SYNJ2: variants seen among roughly 807,000 people sequenced by gnomAD.
The protein encoded by SYNJ2 is polyphosphatidylinositol phosphatase SYNJ2.
In SYNJ2, 116 loss-of-function variants were observed where a neutral mutation model predicts 141.3. The observed-to-expected ratio is 0.82, with a 90% CI of 0.71 to 0.96. SYNJ2 has a LOEUF of 0.96. Ranked by LOEUF, SYNJ2 falls within the 40% of genes least tolerant of loss-of-function variation. The pLI, the probability that SYNJ2 is intolerant of heterozygous loss-of-function variation, is 0.00. For missense variants in SYNJ2, 1,873 were observed against 1,934.8 expected (o/e 0.97, Z 0.60); for synonymous variants, 745 against 777.7 (o/e 0.96, Z 0.70).
At chr6:158,008,548 G>C (rs1778152815) in intron 1 of SYNJ2, among the ~76,000 whole-genome samples, 1 of 152,212 alleles carries the variant, frequency 6.6e-6, no homozygotes, top group African/African-American at 2.4e-5. Flanking sequence ...GAGTTGAGCT[G>C]ATCTAAGGTA....
chr6:158,027,802 G>A lies in SYNJ2; in HGVS notation c.215-954G>A, dbSNP rs186706370. 1.7e-3 allele frequency: 258 copies of A among 152,576 alleles called. 1 individual carries two copies. The highest frequency in any genetic ancestry group is 6.7e-3 in the Middle Eastern group (2 of 300). 9.5% of individuals were successfully genotyped at this position (152,576 alleles called of 1,614,324 possible). On this transcript the variant is annotated intron_variant, in intron 2 of 26. Coordinates refer to ENST00000355585, the MANE Select transcript of SYNJ2 (RefSeq NM_003898.4). This position sits in a 1 kb window ranked among gnomAD's most constrained non-coding sequence, Gnocchi z 4.6. ...CTTGGGAGAGCAAGGAAGGCTTCCC[G>A]GAGGAGTTGCTGCCAAGTTGGCCCA... is the stretch of plus-strand genomic sequence containing the variant.
In SYNJ2 at chr6:157,983,069, A is replaced by AGGT. The variant is rs1449829039; in HGVS notation, c.127+983_127+985dup. 2.0e-5 allele frequency among the ~76,000 whole-genome samples: 3 copies of AGGT among 152,232 alleles called. No homozygotes were observed. The East Asian group carries it at 5.8e-4, about 29-fold the overall frequency. On this transcript the variant is annotated intron_variant, in intron 1 of 26. Transcript: ENST00000355585. ...GCTTGCCGGTATTCCTAGCTAAACA[A>AGGT]GGTGCAGCCCGGGGTCACTCGTACT...
At chr6:158,094,732 T>C (rs779323142) in intron 26 of SYNJ2, among the ~76,000 whole-genome samples, 2 of 152,262 alleles carry the variant, frequency 1.3e-5, no homozygotes, top group Non-Finnish European at 2.9e-5. Context: ...TTAACTAGTC[T>C]ACTGATCACC....
At chr6:157,986,640 C>T (rs888296024) in intron 1 of SYNJ2, among the ~76,000 whole-genome samples, 6 of 152,188 alleles carry the variant, frequency 3.9e-5, no homozygotes, top group East Asian at 1.9e-4. Context: ...CGGCCTTCCC[C>T]GTGATTTTTG....
chr6:158,082,859 C>T (rs1002295331), intron 20 of SYNJ2, among the ~76,000 whole-genome samples: 1 of 152,190 alleles, frequency 6.6e-6, no homozygotes, highest in Non-Finnish European at 1.5e-5. Context: ...TTGGAATATG[C>T]AGCTCATAGA....
intron 25 of SYNJ2, among the ~76,000 whole-genome samples, chr6:158,092,724 C>T (rs73021932): frequency 0.21 from 32,475 of 151,922 alleles, 3,552 homozygotes; most frequent in East Asian, 0.3. Flanking sequence ...GTGATCATGC[C>T]GCTGCACTCC....
intron 1 of SYNJ2, chr6:158,016,917 G>A: frequency 1.0e-6 from 1 of 980,940 alleles, no homozygotes; most frequent in Non-Finnish European, 1.3e-6. Context: ...GGCCCCAGGT[G>A]CCTGCCCCCA....
intron 1 of SYNJ2, among the ~76,000 whole-genome samples, chr6:157,992,548 C>A (rs1777489010): frequency 6.6e-6 from 1 of 151,644 alleles, no homozygotes; most frequent in African/African-American, 2.4e-5. Context: ...CAGGCACCCA[C>A]CACCACACCC....
chr6:158,050,145 T>G (rs1394625578), intron 5 of SYNJ2, among the ~76,000 whole-genome samples: 2 of 152,240 alleles, frequency 1.3e-5, no homozygotes, highest in African/African-American at 4.8e-5. Flanking sequence ...CATGGGCATT[T>G]GTAACCTAAG....
Position 158,043,437 on chromosome 6 carries a change from T to G in SYNJ2, c.795+38T>G. ...AAAACTTAAATGTCCCCTTGTGATGTTGTCCGCCCTGCCCTTCCCTTCAAT... is the reference window on the plus strand; with the variant it reads ...AAAACTTAAATGTCCCCTTGTGATGGTGTCCGCCCTGCCCTTCCCTTCAAT... On this transcript the variant is annotated intron_variant, in intron 5 of 26. Coordinates refer to ENST00000355585, the MANE Select transcript of SYNJ2 (RefSeq NM_003898.4). This position sits in a 1 kb window ranked among gnomAD's most constrained non-coding sequence, Gnocchi z 4.0. 1 of 1,469,462 alleles carries G rather than the reference T, an allele frequency of 6.8e-7. No individual in the cohort carries two copies. The highest frequency in any genetic ancestry group is 9.5e-7 in the Non-Finnish European group (1 of 1,051,114). 91.0% of individuals were successfully genotyped at this position (1,469,462 alleles called of 1,614,324 possible).
intron 25 of SYNJ2, among the ~76,000 whole-genome samples, chr6:158,090,542 G>GTTTTTTTTTTTT (rs58356198): frequency 1.4e-3 from 161 of 113,838 alleles, no homozygotes; most frequent in Middle Eastern, 4.9e-3. Flanking sequence ...TTTTTTTTTT[G>GTTTTTTTTTTTT]TTTTTTTTTT....
chr6:158,091,311 G>A (rs554984641), intron 25 of SYNJ2, among the ~76,000 whole-genome samples: 15 of 151,484 alleles, frequency 9.9e-5, no homozygotes, highest in South Asian at 4.2e-4. Context: ...GCAAGACTCC[G>A]TCTCAAAAAA....
At chr6:157,998,122 C>T (rs1777703803) in intron 1 of SYNJ2, among the ~76,000 whole-genome samples, 1 of 152,232 alleles carries the variant, frequency 6.6e-6, no homozygotes, top group South Asian at 2.1e-4. Context: ...AGGATGCTGC[C>T]TGCTGCTCTG....
At chr6:158,007,058 C>G (rs118041099) in intron 1 of SYNJ2, among the ~76,000 whole-genome samples, 1,866 of 152,148 alleles carry the variant, frequency 0.012, 18 homozygotes, top group Non-Finnish European at 0.021. Context: ...CTCCACCTCC[C>G]AGGTTCAGAT....
In SYNJ2 at chr6:158,076,716, T is replaced by G. The variant is rs542740914; in HGVS notation, c.2383T>G (p.Cys795Gly). 1.2e-6 allele frequency: 2 copies of G among 1,614,020 alleles called. No homozygotes were observed. The highest frequency in any genetic ancestry group is 2.2e-5 in the South Asian group (2 of 91,074). ...GSAAYDTSDK[C>G]RTPAWTDRVL... is the part of the protein sequence containing the mutation. ...AGCCGCCTACGATACAAGCGACAAATGCCGCACCCCCGCCTGGACAGACAG... is the reference window on the plus strand; with the variant it reads ...AGCCGCCTACGATACAAGCGACAAAGGCCGCACCCCCGCCTGGACAGACAG... Residue 795 changes from cysteine (C) to glycine (G), a missense_variant, in exon 17 of 27, where the codon TGC becomes GGC. By Grantham distance (159) the Cys-to-Gly change is radical. Coordinates refer to ENST00000355585, the MANE Select transcript of SYNJ2 (RefSeq NM_003898.4).
intron 13 of SYNJ2, 25 bp downstream of exon 13, chr6:158,068,753 A>G (rs1457805640): frequency 6.2e-7 from 1 of 1,613,028 alleles, no homozygotes; most frequent in East Asian, 2.2e-5. Flanking sequence ...GTGCGGGGCC[A>G]GGCAGGGACT....
At chr6:158,083,335 T>G in intron 20 of SYNJ2, 94 bp from the exon 21 acceptor site, 2 of 1,453,272 alleles carry the variant, frequency 1.4e-6, no homozygotes, top group Non-Finnish European at 1.9e-6. Flanking sequence ...TTGGCCTCGT[T>G]GAGGGTGTGT....
chr6:158,018,871 G>T (rs1384040180), intron 2 of SYNJ2, among the ~76,000 whole-genome samples: 1 of 152,262 alleles, frequency 6.6e-6, no homozygotes, highest in African/African-American at 2.4e-5. Flanking sequence ...GCGGGCTGCC[G>T]AGGGTTTTCT....
Position 158,069,656 on chromosome 6 carries a change from C to A in SYNJ2, c.1923C>A (p.Tyr641Ter). 6.2e-7 allele frequency: 1 copy of A among 1,613,090 alleles called. No individual in the cohort carries two copies. Among genetic ancestry groups the A allele is most frequent in the Non-Finnish European group, 8.5e-7 (1 of 1,179,298 alleles). ...GTCTTTATATCTTTGTACGTCCATA[C>A]CATGTCCCGTTCATCAGGTAAGAAC... is the stretch of plus-strand genomic sequence containing the variant. Reference protein sequence around the residue: ...GVCLYIFVRPYHVPFIRDVAI... With the variant: ...GVCLYIFVRP Residue 641 changes from tyrosine to a stop codon, truncating the protein, a stop_gained, in exon 14 of 27, where the codon TAC (tyrosine) becomes TAA (stop). Transcript: ENST00000355585. LOFTEE classifies it high-confidence loss of function.
Sources: allele counts gnomAD v4.1 joint callset (sites outside exome capture counted in the v4.1 genomes callset), GRCh38; gene constraint gnomAD v4.1.1; non-coding constraint Gnocchi (gnomAD v3.1); transcripts MANE v1.5; gene names NCBI Gene and HGNC (gene_info 2026-07-23, HGNC 2026-07-21).